GFRA2: variants seen among roughly 807,000 people sequenced by gnomAD.
GFRA2 encodes GDNF family receptor alpha-2.
In GFRA2, 17 loss-of-function variants were observed where a neutral mutation model predicts 48.3. The ratio of observed to expected loss-of-function variants is 0.35; its 90% CI spans 0.24 to 0.53. The LOEUF (loss-of-function observed/expected upper bound fraction) is 0.53, where lower values mean the gene tolerates loss of function less well. GFRA2 is among the 20% of genes least tolerant of loss of function. GFRA2 has a pLI of 0.93. For synonymous variants in GFRA2, 305 were observed against 257.2 expected (o/e 1.19, Z -1.78); for missense variants, 660 against 637.3 (o/e 1.04, Z -0.38).
In GFRA2 at chr8:21,748,380, C is replaced by A. The variant is rs571356381; in HGVS notation, c.794+2208G>T. Among the ~76,000 whole-genome samples, 16 of 152,180 alleles carry A rather than the reference C, an allele frequency of 1.1e-4. No individual in the cohort carries two copies. The South Asian group carries it at 3.3e-3, about 32-fold the overall frequency. ...TCAACTAACCTTATGGAATGCTCAC[C>A]AAGTGCCAGGCTCTACATGCAGGAC... On this transcript the variant is annotated intron_variant, in intron 4 of 8. Coordinates refer to ENST00000524240, the MANE Select transcript of GFRA2 (RefSeq NM_001495.5).
chr8:21,722,740 A>G (rs1803663849), intron 4 of GFRA2, among the ~76,000 whole-genome samples: 1 of 152,174 alleles, frequency 6.6e-6, no homozygotes, highest in East Asian at 1.9e-4. Context: ...TAATCCCTGA[A>G]TTATGGGTCC....
In GFRA2 at chr8:21,788,811, T is replaced by A. The variant is rs1302758696; in HGVS notation, c.-652A>T. The A allele has an allele frequency of 1.0e-6, 1 of 984,560 alleles. No homozygotes were observed. The highest frequency in any genetic ancestry group is 1.2e-6 in the Non-Finnish European group (1 of 829,294). 61.0% of individuals were successfully genotyped at this position (984,560 alleles called of 1,614,324 possible). On this transcript the variant is annotated 5_prime_UTR_variant, in exon 1 of 9. Transcript: ENST00000524240. ...GTGTGTCTCTGCGTGCGTGTGTCTT[T>A]CTCTCTCCTCTCTCTCTCTCTCCTC... is the stretch of plus-strand genomic sequence containing the variant.
At chr8:21,735,375 C>A (rs1247953805) in intron 4 of GFRA2, among the ~76,000 whole-genome samples, 2 of 152,036 alleles carry the variant, frequency 1.3e-5, no homozygotes, top group Admixed American at 6.6e-5. Context: ...CCAAGCCCCC[C>A]CCCAATCCAC....
intron 4 of GFRA2, among the ~76,000 whole-genome samples, chr8:21,738,748 C>G (rs1020977468): frequency 1.3e-5 from 2 of 152,154 alleles, no homozygotes; most frequent in Admixed American, 6.5e-5. Context: ...CTCCAAGAGG[C>G]CTTCTCAACA....
chr8:21,715,452 G>T (rs1172841769), intron 4 of GFRA2, among the ~76,000 whole-genome samples: 2 of 152,208 alleles, frequency 1.3e-5, no homozygotes, highest in African/African-American at 4.8e-5. Context: ...GGGGCTATAG[G>T]CACGCACCAC....
At chr8:21,812,003 C>T (rs1453265280) in intron 1 of GFRA2, among the ~76,000 whole-genome samples, 2 of 152,206 alleles carry the variant, frequency 1.3e-5, no homozygotes, top group South Asian at 4.1e-4. Flanking sequence ...TCTTCCCTCT[C>T]CATATAGATC....
chr8:21,732,509 C>T (rs868269498), intron 4 of GFRA2, among the ~76,000 whole-genome samples: 3 of 152,132 alleles, frequency 2.0e-5, no homozygotes, highest in East Asian at 3.9e-4. Context: ...TTTACAGCCA[C>T]GGGGGCACAT....
chr8:21,737,417 G>T (rs1249292286), intron 4 of GFRA2, among the ~76,000 whole-genome samples: 1 of 151,936 alleles, frequency 6.6e-6, no homozygotes, highest in African/African-American at 2.4e-5. Context: ...CCTAATCTAG[G>T]ACCCCCTCCA....
Position 21,782,758 on chromosome 8 carries a change from C to T in GFRA2, c.182G>A (p.Arg61Gln), listed in dbSNP as rs1807074179. ...SNCSSRYRTL[R>Q]QCLAGRDRNT... The stretch of plus-strand genomic sequence containing the variant: ...GCGGTCGCGGCCTGCCAGGCACTGC[C>T]GCAGAGTGCGGTAGCGAGAGCTGCA... The change falls in exon 2 of 9, where the codon CGG (arginine) becomes CAG (glutamine). Residue 61 changes from arginine to glutamine, a missense_variant. Coordinates refer to ENST00000524240, the MANE Select transcript of GFRA2 (RefSeq NM_001495.5). The T allele has an allele frequency of 1.3e-6, 2 of 1,595,236 alleles. No homozygotes were observed. Among genetic ancestry groups the T allele is most frequent in the Non-Finnish European group, 1.7e-6 (2 of 1,172,424 alleles).
chr8:21,762,900 A>G (rs1805981165), intron 3 of GFRA2, among the ~76,000 whole-genome samples: 1 of 152,188 alleles, frequency 6.6e-6, no homozygotes, highest in Non-Finnish European at 1.5e-5. Context: ...TGTATTTGTA[A>G]CCATTAAAAA....
intron 7 of GFRA2, among the ~76,000 whole-genome samples, chr8:21,701,151 T>G (rs1008149285): frequency 1.3e-5 from 2 of 152,190 alleles, no homozygotes; most frequent in South Asian, 4.1e-4. Flanking sequence ...TCCCAGTACT[T>G]TGGGAGGCCG....
intron 7 of GFRA2, among the ~76,000 whole-genome samples, chr8:21,701,100 A>AT (rs1404391339): frequency 6.6e-6 from 1 of 152,244 alleles, no homozygotes; most frequent in Non-Finnish European, 1.5e-5. Flanking sequence ...GCAGGTGCTC[A>AT]TTAAAAACAT....
At chr8:21,730,967 T>C (rs1804159490) in intron 4 of GFRA2, among the ~76,000 whole-genome samples, 1 of 152,068 alleles carries the variant, frequency 6.6e-6, no homozygotes, top group African/African-American at 2.4e-5. Flanking sequence ...ACGAGGTAGA[T>C]TCAGGGCTGG....
intron 1 of GFRA2, among the ~76,000 whole-genome samples, chr8:21,786,041 C>T (rs1403021290): frequency 6.6e-6 from 1 of 152,200 alleles, no homozygotes; most frequent in Non-Finnish European, 1.5e-5. Flanking sequence ...CTCCACTCAG[C>T]CCAGCTTTAG....
chr8:21,759,492 AGG>A lies in GFRA2; in HGVS notation c.440-8552_440-8551del, dbSNP rs1491518388. 2.0e-3 allele frequency among the ~76,000 whole-genome samples: 224 copies of A among 112,950 alleles called. 3 individuals are homozygous for A. Among genetic ancestry groups the A allele is most frequent in the East Asian group, 0.017 (62 of 3,726 alleles). 74.1% of individuals were successfully genotyped at this position (112,950 alleles called of 152,430 possible). A position where few individuals can be genotyped will look rare whatever the true frequency, so the allele number is the denominator to read the frequency against. On this transcript the variant is annotated intron_variant, in intron 3 of 8. Coordinates refer to ENST00000524240, the MANE Select transcript of GFRA2 (RefSeq NM_001495.5). ...AGGGAGGGAAAGAAGGAAAGAAGGA[AGG>A]AAGGAAGGAAGGAAGGAAGGAAGGA...
At position 21,706,029 on chromosome 8, in the gene GFRA2, G is replaced by A. The variant is rs377524016; in HGVS notation, c.807C>T (p.Ala269=). The change falls in exon 5 of 9, where the codon GCC becomes GCT. Residue 269 remains alanine, a synonymous_variant. Coordinates refer to ENST00000524240, the MANE Select transcript of GFRA2 (RefSeq NM_001495.5). ...AGGCTCGACAATTGGCATGGAAGTC[G>A]GCCAGCCGGGACCTGGTGGTGGGTA... ...RTDHLCRSRL[A]DFHANCRASY... 12 of 1,567,828 alleles carry A rather than the reference G, an allele frequency of 7.7e-6. No homozygotes were observed. The highest frequency in any genetic ancestry group is 4.7e-5 in the South Asian group (4 of 85,002).
chr8:21,696,430 G>A (rs918079191), intron 7 of GFRA2, among the ~76,000 whole-genome samples: 4 of 152,138 alleles, frequency 2.6e-5, no homozygotes, highest in African/African-American at 9.7e-5. Flanking sequence ...ATAGTCTACT[G>A]CTTAACAAAA....
chr8:21,705,388 C>T (rs766949537), intron 5 of GFRA2, among the ~76,000 whole-genome samples: 5 of 152,164 alleles, frequency 3.3e-5, no homozygotes, highest in African/African-American at 4.8e-5. Flanking sequence ...TGCCCTGGAG[C>T]CCCTCCCAGA....
chr8:21,708,305 G>C (rs1342213585), intron 4 of GFRA2, among the ~76,000 whole-genome samples: 1 of 152,180 alleles, frequency 6.6e-6, no homozygotes, highest in Non-Finnish European at 1.5e-5. Flanking sequence ...CCCTGCAGGA[G>C]ACAACTCCAT....
Sources: allele counts gnomAD v4.1 joint callset (sites outside exome capture counted in the v4.1 genomes callset), GRCh38; gene constraint gnomAD v4.1.1; transcripts MANE v1.5; gene names NCBI Gene and HGNC (gene_info 2026-07-23, HGNC 2026-07-21).